The following FABP6 variants were observed in gnomAD, a reference collection of about 807,000 sequenced individuals.
FABP6 encodes gastrotropin.
FABP6 carries 13 observed loss-of-function variants against 14.9 expected under a neutral mutation model. That is an observed-to-expected ratio of 0.87 (90% CI 0.57 to 1.39). The LOEUF is 1.39. Ranked by LOEUF, FABP6 falls within the 40% of genes most tolerant of loss-of-function variation. FABP6 has a pLI of 0.00. For synonymous variants in FABP6, 75 were observed against 63.6 expected (o/e 1.18, Z -0.85); for missense variants, 161 against 167.2 (o/e 0.96, Z 0.20).
chr5:160,191,090 G>GA (rs58261991), intron 1 of FABP6, among the ~76,000 whole-genome samples: 93,054 of 127,424 alleles, frequency 0.73, 33,272 homozygotes, highest in South Asian at 0.77. Flanking sequence ...ACTCCATCTG[G>GA]AAAAAAAAAA....
intron 2 of FABP6, chr5:160,213,607 T>C (rs1210279874): frequency 2.6e-6 from 2 of 767,048 alleles, no homozygotes; most frequent in South Asian, 1.5e-5. Flanking sequence ...TTTGCTCAAA[T>C]CAGTTTCCAT....
At chr5:160,215,922 T>A (rs1453143266) in intron 3 of FABP6, among the ~76,000 whole-genome samples, 1 of 152,140 alleles carries the variant, frequency 6.6e-6, no homozygotes, top group Non-Finnish European at 1.5e-5. Flanking sequence ...CCTCCCCAGT[T>A]GCGCCACTTC....
At chr5:160,207,404 T>A (rs749808428) in intron 2 of FABP6, among the ~76,000 whole-genome samples, 5 of 152,230 alleles carry the variant, frequency 3.3e-5, no homozygotes, top group Non-Finnish European at 7.3e-5. Flanking sequence ...CTGGCTTTTG[T>A]ATGGGGTTAT....
chr5:160,206,849 C>G (rs1759778632), intron 2 of FABP6, among the ~76,000 whole-genome samples: 1 of 152,164 alleles, frequency 6.6e-6, no homozygotes, highest in African/African-American at 2.4e-5. Context: ...TGCACGGCAG[C>G]ACCTGGGTCA....
At chr5:160,223,489 C>G (rs1760177371) in intron 3 of FABP6, among the ~76,000 whole-genome samples, 1 of 151,178 alleles carries the variant, frequency 6.6e-6, no homozygotes, top group Non-Finnish European at 1.5e-5. Context: ...GTGGCACAAT[C>G]TTGACTCATG....
At chr5:160,231,979 A>C in intron 1 of FABP6, 119 bp from the exon 2 acceptor site, 2 of 1,145,296 alleles carry the variant, frequency 1.7e-6, no homozygotes, top group Non-Finnish European at 1.2e-6. Flanking sequence ...CTTAACCTGC[A>C]GGCTAGCCTA....
chr5:160,215,369 C>T (rs181267314), intron 3 of FABP6, among the ~76,000 whole-genome samples: 35 of 152,138 alleles, frequency 2.3e-4, no homozygotes, highest in African/African-American at 7.0e-4. Flanking sequence ...CAAAATTAGC[C>T]GGGTGTGTTG....
upstream of FABP6, chr5:160,228,639 G>T (rs1198001622): frequency 4.6e-6 from 2 of 430,306 alleles, no homozygotes; most frequent in Admixed American, 5.0e-5. Flanking sequence ...CCAGCATCCA[G>T]CCCAGTGCCT....
chr5:160,220,785 C>T (rs1326416633), intron 3 of FABP6, among the ~76,000 whole-genome samples: 1 of 151,758 alleles, frequency 6.6e-6, no homozygotes. Context: ...GGGACTGTGT[C>T]TCCTACAAGA....
In FABP6 at chr5:160,232,213, C is replaced by G; in HGVS notation, c.183C>G (p.Thr61=). Residue 61 remains threonine, a synonymous_variant, in exon 2 of 4, where the codon ACC becomes ACG. Transcript: ENST00000402432. ...SQHYSGGHTM[T]NKFTVGKESN... ...ACTACTCCGGGGGCCACACCATGAC[C>G]AACAAGTTCACTGTTGGCAAGGAAA... is the stretch of plus-strand genomic sequence containing the variant. The G allele has an allele frequency of 1.2e-6, 2 of 1,613,146 alleles. No individual in the cohort carries two copies. The highest frequency in any genetic ancestry group is 1.7e-6 in the Non-Finnish European group (2 of 1,179,636).
intron 1 of FABP6, chr5:160,197,324 T>C (rs2113065769): frequency 6.6e-6 from 1 of 152,318 alleles, no homozygotes; most frequent in East Asian, 1.9e-4. Context: ...CGTGTCCCAT[T>C]GCTAATAACA....
intron 2 of FABP6, among the ~76,000 whole-genome samples, chr5:160,212,384 G>C (rs1313524731): frequency 6.6e-6 from 1 of 152,042 alleles, no homozygotes; most frequent in Non-Finnish European, 1.5e-5. Context: ...TCCATCTCCT[G>C]ACCTCATGAC....
chr5:160,219,800 A>C (rs570960192), intron 3 of FABP6, among the ~76,000 whole-genome samples: 222 of 152,298 alleles, frequency 1.5e-3, no homozygotes, highest in African/African-American at 5.0e-3. Flanking sequence ...AGAGCTTCTC[A>C]AGGCTGCTGA....
At chr5:160,226,497 G>A (rs576483548), upstream of FABP6, among the ~76,000 whole-genome samples, 308 of 149,782 alleles carry the variant, frequency 2.1e-3, no homozygotes, top group Non-Finnish European at 3.6e-3. Flanking sequence ...GGAGGCGGAG[G>A]TTGCAGTGAG....
intron 2 of FABP6, among the ~76,000 whole-genome samples, chr5:160,199,954 C>T (rs1486461610): frequency 6.6e-6 from 1 of 152,100 alleles, no homozygotes; most frequent in Non-Finnish European, 1.5e-5. Context: ...AGCCAGGGGC[C>T]CTCTGACTGT....
chr5:160,237,626 C>G (rs1439874269), intron 3 of FABP6, among the ~76,000 whole-genome samples: 2 of 152,104 alleles, frequency 1.3e-5, no homozygotes, highest in Non-Finnish European at 2.9e-5. Context: ...CCACCTCTCC[C>G]CCACCTTCCA....
At chr5:160,212,523 C>T (rs576746112) in intron 2 of FABP6, among the ~76,000 whole-genome samples, 32 of 152,020 alleles carry the variant, frequency 2.1e-4, no homozygotes, top group Middle Eastern at 6.8e-3. Flanking sequence ...GGTTAGACTG[C>T]AGTGGCACGA....
At chr5:160,226,599 T>A (rs1760253264), upstream of FABP6, among the ~76,000 whole-genome samples, 1 of 152,130 alleles carries the variant, frequency 6.6e-6, no homozygotes, top group African/African-American at 2.4e-5. Flanking sequence ...AGGTATACTT[T>A]GTCAAGGTAA....
chr5:160,218,238 A>C (rs183583417), intron 3 of FABP6, among the ~76,000 whole-genome samples: 1 of 152,186 alleles, frequency 6.6e-6, no homozygotes, highest in Non-Finnish European at 1.5e-5. Context: ...AACTCACTTA[A>C]CATTAGTAAC....
Sources: gnomAD v4.1 joint callset for allele counts (sites outside exome capture counted in the v4.1 genomes callset) on GRCh38, gnomAD v4.1.1 for gene constraint, MANE v1.5 for transcripts, NCBI Gene and HGNC (gene_info 2026-07-23, HGNC 2026-07-21) for gene names.